Variants in METTL15 observed in about 807,000 individuals in gnomAD.
METTL15 encodes the protein methyltransferase 15, mitochondrial 12S rRNA N4-cytidine.
In METTL15, 34 loss-of-function variants were observed where a neutral mutation model predicts 38.3. The ratio of observed to expected loss-of-function variants is 0.89; its 90% CI spans 0.68 to 1.18. METTL15 has a LOEUF of 1.18. Ranked by LOEUF, METTL15 falls within the 50% of genes most tolerant of loss-of-function variation. The pLI is 0.00. For synonymous variants in METTL15, 162 were observed against 170.9 expected, an observed-to-expected ratio of 0.95 and a Z score of 0.41; for missense variants, 438 against 498.4, an observed-to-expected ratio of 0.88 and a Z score of 1.15.
At chr11:28,260,756 G>GA (rs1227003707) in intron 4 of METTL15, among the ~76,000 whole-genome samples, 1 of 152,162 alleles carries the variant, frequency 6.6e-6, no homozygotes, top group Non-Finnish European at 1.5e-5. Flanking sequence ...AGGATTATGA[G>GA]AACACATATT....
At chr11:28,507,555 A>C (rs1253261890) in intron 6 of METTL15, among the ~76,000 whole-genome samples, 1 of 152,158 alleles carries the variant, frequency 6.6e-6, no homozygotes, top group Non-Finnish European at 1.5e-5. Flanking sequence ...AGCCATGTAC[A>C]TGGCTTCCCT....
intron 4 of METTL15, among the ~76,000 whole-genome samples, chr11:28,225,094 A>G (rs983517278): frequency 6.6e-6 from 1 of 151,742 alleles, no homozygotes; most frequent in African/African-American, 2.4e-5. Flanking sequence ...TGATAAAGTA[A>G]TACTCCTTTA....
chr11:28,119,454 C>T (rs1331347755), intron 3 of METTL15, among the ~76,000 whole-genome samples: 1 of 152,082 alleles, frequency 6.6e-6, no homozygotes, highest in African/African-American at 2.4e-5. Context: ...ATAATTTCAG[C>T]GTCAGTATGG....
chr11:28,136,183 A>G (rs1449425791), intron 3 of METTL15, among the ~76,000 whole-genome samples: 3 of 152,160 alleles, frequency 2.0e-5, no homozygotes, highest in East Asian at 3.9e-4. Context: ...TTCTGTAGCA[A>G]TATGGTTTGG....
At chr11:28,330,275 C>T in intron 6 of METTL15, 121 bp from the exon 7 acceptor site, 1 of 912,536 alleles carries the variant, frequency 1.1e-6, no homozygotes, top group Non-Finnish European at 1.6e-6. Flanking sequence ...AGTGCCACCA[C>T]AATTTTCTAA....
downstream of METTL15, among the ~76,000 whole-genome samples, chr11:28,336,602 A>G (rs1849903092): frequency 1.3e-5 from 2 of 152,170 alleles, no homozygotes; most frequent in African/African-American, 4.8e-5. Context: ...TTAGTCAACA[A>G]TGGACTACAT....
intron 6 of METTL15, among the ~76,000 whole-genome samples, chr11:28,484,223 G>C (rs1388350048): frequency 6.6e-6 from 1 of 152,148 alleles, no homozygotes; most frequent in Non-Finnish European, 1.5e-5. Flanking sequence ...GTTAAGGTCT[G>C]TACTATTTTT....
chr11:28,324,848 C>A (rs112845083), intron 6 of METTL15, among the ~76,000 whole-genome samples: 2,232 of 152,224 alleles, frequency 0.015, 34 homozygotes, highest in South Asian at 0.057. Context: ...ACAATCGGGG[C>A]CGTAGGCAGG....
Position 28,332,064 on chromosome 11 carries a change from A to G in METTL15, c.*1223A>G, listed in dbSNP as rs1849830990. On this transcript the variant is annotated 3_prime_UTR_variant, in exon 7 of 7. Transcript: ENST00000407364. ...GAATCCAAGTGAATGAAATATCAGC[A>G]TAACTATGTGGGCAAAATAGATAGA... is the stretch of plus-strand genomic sequence containing the variant. 6.6e-6 allele frequency: 1 copy of G among 151,216 alleles called. No individual in the cohort carries two copies. The highest frequency in any genetic ancestry group is 2.4e-5 in the African/African-American group (1 of 40,964). The allele number at this position is 151,216 out of a possible 1,614,324, so 9.4% of individuals were successfully genotyped here.
At chr11:28,297,365 A>G (rs937062097) in intron 6 of METTL15, among the ~76,000 whole-genome samples, 5 of 152,102 alleles carry the variant, frequency 3.3e-5, no homozygotes, top group Admixed American at 2.6e-4. Flanking sequence ...GCATTTTAAT[A>G]TTTTGGGCAA....
chr11:28,461,212 T>C (rs1222894166), intron 6 of METTL15, among the ~76,000 whole-genome samples: 1 of 152,054 alleles, frequency 6.6e-6, no homozygotes, highest in Non-Finnish European at 1.5e-5. Flanking sequence ...TTCTTCCTCG[T>C]TTTGATTAGC....
intron 3 of METTL15, among the ~76,000 whole-genome samples, chr11:28,184,466 T>G (rs1434189685): frequency 1.3e-5 from 2 of 151,982 alleles, no homozygotes; most frequent in Non-Finnish European, 2.9e-5. Context: ...TGTGTTTTCG[T>G]TCTCATTGGT....
chr11:28,120,015 G>A (rs992577384), intron 3 of METTL15, among the ~76,000 whole-genome samples: 3 of 152,090 alleles, frequency 2.0e-5, no homozygotes, highest in African/African-American at 7.2e-5. Context: ...GCAGTGGGGC[G>A]ATCTTGGCTC....
intron 3 of METTL15, among the ~76,000 whole-genome samples, chr11:28,343,007 C>T (rs934740862): frequency 6.6e-5 from 10 of 152,120 alleles, no homozygotes; most frequent in Non-Finnish European, 1.5e-4. Flanking sequence ...AGAATATGTC[C>T]TCTTCCTGAA....
At chr11:28,292,595 A>C (rs1856562187) in intron 5 of METTL15, among the ~76,000 whole-genome samples, 1 of 152,088 alleles carries the variant, frequency 6.6e-6, no homozygotes, top group East Asian at 1.9e-4. Flanking sequence ...GGCTGGGTCA[A>C]ATGGTATTTG....
chr11:28,253,559 AT>A (rs1043102439), intron 4 of METTL15, among the ~76,000 whole-genome samples: 66 of 151,228 alleles, frequency 4.4e-4, no homozygotes, highest in Non-Finnish European at 8.9e-5. Flanking sequence ...AACTCTTTCT[AT>A]TTTTTTTCTT....
intron 6 of METTL15, among the ~76,000 whole-genome samples, chr11:28,320,474 C>T (rs1849427335): frequency 6.6e-6 from 1 of 151,966 alleles, no homozygotes; most frequent in African/African-American, 2.4e-5. Flanking sequence ...ATGGGAGGAT[C>T]ACTTGATCCC....
At chr11:28,283,247 A>G (rs951445614) in intron 4 of METTL15, among the ~76,000 whole-genome samples, 15 of 152,130 alleles carry the variant, frequency 9.9e-5, no homozygotes, top group African/African-American at 3.4e-4. Flanking sequence ...AAATTGCTTT[A>G]TCCAGCAGCC....
chr11:28,129,838 A>G (rs1440562572), intron 3 of METTL15, among the ~76,000 whole-genome samples: 1 of 152,206 alleles, frequency 6.6e-6, no homozygotes, highest in Non-Finnish European at 1.5e-5. Context: ...TAGTGAGTGA[A>G]TAAGTGTGGA....
Sources: allele counts gnomAD v4.1 joint callset (sites outside exome capture counted in the v4.1 genomes callset), GRCh38; gene constraint gnomAD v4.1.1; transcripts MANE v1.5; gene names NCBI Gene and HGNC (gene_info 2026-07-23, HGNC 2026-07-21).